Variants in TRPM3 observed in about 807,000 individuals in gnomAD.
TRPM3 encodes transient receptor potential cation channel subfamily M member 3.
Under a neutral mutation model 181.2 loss-of-function variants are expected in TRPM3, and 77 were observed. The ratio of observed to expected loss-of-function variants is 0.42; its 90% confidence interval spans 0.35 to 0.51. The LOEUF is 0.51. Among genes scored for constraint, TRPM3 ranks in the 20% least tolerant of loss-of-function variants. The probability of loss-of-function intolerance (pLI) is 0.01; values close to 1 mark genes in which losing one functional copy is unlikely to be tolerated. For missense variants in TRPM3, 1,759 were observed against 2,196.7 expected (o/e 0.80, Z 3.98); for synonymous variants, 745 against 796.4 (o/e 0.94, Z 1.09).
chr9:71,131,975 T>A (rs775676416), intron 1 of TRPM3, among the ~76,000 whole-genome samples: 1 of 152,220 alleles, frequency 6.6e-6, no homozygotes, highest in Non-Finnish European at 1.5e-5. Context: ...GATGTCATAA[T>A]ATACCTTTAT....
rs76086801 is a variant in TRPM3 at position 70,894,720 on chromosome 9, A to G, written c.178-30209T>C. ...ATTTGGGCTGTCATACAGAATTGCC[A>G]TAATATTACCAAAATATATATAGCA... On this transcript the variant is annotated intron_variant, in intron 1 of 25. Transcript: ENST00000677713. Among the ~76,000 whole-genome samples, 1,054 of 152,324 alleles carry G rather than the reference A, an allele frequency of 6.9e-3. 8 individuals are homozygous for G. Among genetic ancestry groups the G allele is most frequent in the African/African-American group, 0.024 (1,011 of 41,564 alleles).
chr9:70,535,032 G>GTT lies in TRPM3; in HGVS notation c.*919_*920dup, dbSNP rs5898149. ...CAATTTCAGGCTAGTTCTGTCCACT[G>GTT]TTTTTTTTTTTTTTTTTTTAAGTTC... On this transcript the variant is annotated 3_prime_UTR_variant, in exon 26 of 26. Coordinates refer to ENST00000677713, the MANE Select transcript of TRPM3 (RefSeq NM_001366145.2). 7 of 139,772 alleles carry GTT rather than the reference G, an allele frequency of 5.0e-5. No homozygotes were observed. The highest frequency in any genetic ancestry group is 4.5e-4 in the South Asian group (2 of 4,442). The allele number at this position is 139,772 out of a possible 1,614,324, so 8.7% of individuals were successfully genotyped here.
At chr9:71,051,975 A>C (rs1411852337) in intron 1 of TRPM3, among the ~76,000 whole-genome samples, 1 of 152,130 alleles carries the variant, frequency 6.6e-6, no homozygotes, top group Non-Finnish European at 1.5e-5. Flanking sequence ...AAAATTTGGC[A>C]CAGAATTTGG....
intron 1 of TRPM3, among the ~76,000 whole-genome samples, chr9:71,343,379 G>T (rs1361804292): frequency 6.6e-6 from 1 of 151,982 alleles, no homozygotes; most frequent in Non-Finnish European, 1.5e-5. Flanking sequence ...TGTGGGGAGG[G>T]GATTCAAATA....
At chr9:70,686,383 GTATA>G (rs1425887367) in intron 8 of TRPM3, among the ~76,000 whole-genome samples, 1 of 152,176 alleles carries the variant, frequency 6.6e-6, no homozygotes, top group Non-Finnish European at 1.5e-5. Context: ...ACATGGGTGA[GTATA>G]TCAGTAAAAT....
At chr9:70,920,836 A>G (rs954433982) in intron 1 of TRPM3, among the ~76,000 whole-genome samples, 1 of 152,164 alleles carries the variant, frequency 6.6e-6, no homozygotes, top group Non-Finnish European at 1.5e-5. Context: ...TCATAACTAA[A>G]CTGATCATAA....
chr9:71,196,734 T>C (rs1470134547), intron 1 of TRPM3, among the ~76,000 whole-genome samples: 1 of 152,068 alleles, frequency 6.6e-6, no homozygotes, highest in Non-Finnish European at 1.5e-5. Context: ...TTTAGCAGTA[T>C]TTGTAGGACT....
chr9:71,426,177 A>T (rs1257123487), intron 1 of TRPM3, among the ~76,000 whole-genome samples: 1 of 152,172 alleles, frequency 6.6e-6, no homozygotes, highest in Non-Finnish European at 1.5e-5. Context: ...GACAATGCCT[A>T]ACACATTATA....
intron 1 of TRPM3, among the ~76,000 whole-genome samples, chr9:71,347,344 G>T (rs79372149): frequency 2.0e-5 from 3 of 152,190 alleles, no homozygotes; most frequent in Admixed American, 2.0e-4. Flanking sequence ...GTTTTCCCCC[G>T]CAAAGAGTTG....
At chr9:71,301,576 C>T (rs1481550478) in intron 1 of TRPM3, among the ~76,000 whole-genome samples, 2 of 152,090 alleles carry the variant, frequency 1.3e-5, no homozygotes, top group East Asian at 3.9e-4. Context: ...TCTTGGTTAT[C>T]TGGTTAACTT....
intron 3 of TRPM3, among the ~76,000 whole-genome samples, chr9:70,858,326 CT>C (rs1299176736): frequency 6.6e-6 from 1 of 152,112 alleles, no homozygotes; most frequent in Non-Finnish European, 1.5e-5. Context: ...AAGATTGGCA[CT>C]CTTTAACAGA....
At chr9:70,599,840 G>A (rs1313721271) in intron 20 of TRPM3, among the ~76,000 whole-genome samples, 1 of 152,138 alleles carries the variant, frequency 6.6e-6, no homozygotes, top group East Asian at 1.9e-4. Flanking sequence ...ATGTATGTGT[G>A]TATGAGTATG....
chr9:70,851,729 T>C (rs866393634), intron 3 of TRPM3, among the ~76,000 whole-genome samples: 1 of 152,252 alleles, frequency 6.6e-6, no homozygotes, highest in South Asian at 2.1e-4. Context: ...CAGCTCCCCA[T>C]CTTACAGATG....
chr9:71,200,116 T>G (rs1245235079), intron 1 of TRPM3, among the ~76,000 whole-genome samples: 3 of 152,138 alleles, frequency 2.0e-5, no homozygotes, highest in African/African-American at 7.2e-5. Context: ...ATTTCTGCCT[T>G]CATTTCGTTA....
At chr9:71,032,270 G>A (rs1427040015) in intron 1 of TRPM3, among the ~76,000 whole-genome samples, 3 of 140,456 alleles carry the variant, frequency 2.1e-5, no homozygotes, top group African/African-American at 7.8e-5. Flanking sequence ...AGCAGAATAA[G>A]AGGCTAGTCA....
intron 1 of TRPM3, among the ~76,000 whole-genome samples, chr9:71,079,911 C>T (rs1397973879): frequency 6.6e-6 from 1 of 152,174 alleles, no homozygotes; most frequent in Non-Finnish European, 1.5e-5. Context: ...TGGCACACGC[C>T]TGTAATCCCA....
At chr9:71,213,725 T>G (rs1307981178) in intron 1 of TRPM3, among the ~76,000 whole-genome samples, 3 of 152,170 alleles carry the variant, frequency 2.0e-5, no homozygotes, top group Admixed American at 2.0e-4. Flanking sequence ...CTCAACAGAT[T>G]GTTACAAAGA....
intron 6 of TRPM3, among the ~76,000 whole-genome samples, chr9:70,800,808 A>ATT (rs76229143): frequency 8.6e-5 from 13 of 151,742 alleles, no homozygotes; most frequent in Admixed American, 2.6e-4. Context: ...TATCAATAGT[A>ATT]TTTTTTTTTG....
intron 8 of TRPM3, among the ~76,000 whole-genome samples, chr9:70,698,850 T>C (rs2071478203): frequency 6.6e-6 from 1 of 152,160 alleles, no homozygotes; most frequent in South Asian, 2.1e-4. Context: ...CTTCTCCCAC[T>C]TTGTCTTCTG....
Sources: allele counts gnomAD v4.1 joint callset (sites outside exome capture counted in the v4.1 genomes callset), GRCh38; gene constraint gnomAD v4.1.1; transcripts MANE v1.5; gene names NCBI Gene and HGNC (gene_info 2026-07-23, HGNC 2026-07-21).